KIF11: variants seen among roughly 807,000 people sequenced by gnomAD.
The protein encoded by KIF11 is kinesin family member 11, also known as kinesin-like protein KIF11.
Under a neutral mutation model 121.0 loss-of-function variants are expected in KIF11, and 9 were observed. The ratio of observed to expected loss-of-function variants is 0.07; its 90% CI spans 0.04 to 0.13. The LOEUF (loss-of-function observed/expected upper bound fraction) is 0.13, where lower values mean the gene tolerates loss of function less well. Among genes scored for constraint, KIF11 ranks in the 10% least tolerant of loss-of-function variants. The probability of loss-of-function intolerance (pLI) is 1.00; values close to 1 mark genes in which losing one functional copy is unlikely to be tolerated. For synonymous variants in KIF11, 408 were observed against 421.0 expected (o/e 0.97, Z 0.38); for missense variants, 846 against 1,217.5 (o/e 0.69, Z 4.54).
At chr10:92,638,740 T>C (rs1844834536) in intron 16 of KIF11, among the ~76,000 whole-genome samples, 1 of 152,220 alleles carries the variant, frequency 6.6e-6, no homozygotes, top group African/African-American at 2.4e-5. Flanking sequence ...TAGATAAATA[T>C]AATACCTGCA....
intron 16 of KIF11, among the ~76,000 whole-genome samples, chr10:92,639,231 G>C (rs981986446): frequency 4.6e-5 from 7 of 152,050 alleles, no homozygotes; most frequent in African/African-American, 1.7e-4. Context: ...TTAGTTTTGA[G>C]GTACACTGAA....
chr10:92,644,553 A>G (rs1844899507), intron 17 of KIF11, among the ~76,000 whole-genome samples: 1 of 152,200 alleles, frequency 6.6e-6, no homozygotes, highest in Non-Finnish European at 1.5e-5. Context: ...TCCTGACCTC[A>G]GGTGATCCAC....
chr10:92,612,916 C>G, intron 6 of KIF11, 124 bp from the exon 7 acceptor site: 5 of 592,214 alleles, frequency 8.4e-6, no homozygotes. Context: ...CTTGATATCT[C>G]CTGTCTGATG....
Position 92,635,065 on chromosome 10 carries a change from G to C in KIF11, c.1875+1270G>C, listed in dbSNP as rs1206796003. On this transcript the variant is annotated intron_variant, in intron 14 of 21. Transcript: ENST00000260731. The stretch of plus-strand genomic sequence containing the variant: ...TATATATAGTCTTTATTTTATAATT[G>C]TATGGTTGGTCTAGGAAGTTCTTAG... Among the ~76,000 whole-genome samples, 14 of 152,000 alleles carry C rather than the reference G, an allele frequency of 9.2e-5. 1 individual carries two copies. Among genetic ancestry groups the C allele is most frequent in the Admixed American group, 9.2e-4 (14 of 15,250 alleles).
intron 4 of KIF11, among the ~76,000 whole-genome samples, chr10:92,608,664 C>T (rs1269341663): frequency 6.6e-6 from 1 of 152,152 alleles, no homozygotes. Context: ...GTCTTGATCT[C>T]CTGACCTTGT....
At chr10:92,627,170 TCTAG>T (rs1235710912) in intron 10 of KIF11, among the ~76,000 whole-genome samples, 3 of 152,236 alleles carry the variant, frequency 2.0e-5, no homozygotes, top group African/African-American at 7.2e-5. Context: ...CAACAATATC[TCTAG>T]CTAATACGTT....
chr10:92,651,507 GTTTTT>G lies in KIF11; in HGVS notation c.3039+1027_3039+1031del, dbSNP rs1175303233. ...TGTGCCACCATGCCTGGCTAATTTT[GTTTTT>G]TTTTTTTTTTTTTTTTTTTTTTTTT... On this transcript the variant is annotated intron_variant, in intron 21 of 21. Transcript: ENST00000260731. Among the ~76,000 whole-genome samples, 87 of 52,964 alleles carry G rather than the reference GTTTTT, an allele frequency of 1.6e-3. 8 individuals are homozygous for G. Among genetic ancestry groups the G allele is most frequent in the African/African-American group, 3.8e-3 (73 of 19,294 alleles). 34.7% of individuals were successfully genotyped at this position (52,964 alleles called of 152,430 possible).
intron 1 of KIF11, among the ~76,000 whole-genome samples, chr10:92,600,795 C>T (rs942480816): frequency 7.2e-5 from 11 of 152,288 alleles, no homozygotes; most frequent in South Asian, 2.1e-4. Flanking sequence ...CCACCACGCC[C>T]GGCCAGATTT....
chr10:92,610,185 T>C (rs1844480860), intron 6 of KIF11, among the ~76,000 whole-genome samples: 1 of 152,182 alleles, frequency 6.6e-6, no homozygotes, highest in East Asian at 1.9e-4. Flanking sequence ...TGAGGCACTT[T>C]TGTGGAGCCC....
At chr10:92,597,637 G>GGTTT (rs199828144) in intron 1 of KIF11, among the ~76,000 whole-genome samples, 9,093 of 150,964 alleles carry the variant, frequency 0.06, 477 homozygotes, top group African/African-American at 0.14. Flanking sequence ...TTTTCCCTTG[G>GGTTT]GTTTGTTTGT....
intron 18 of KIF11, 90 bp downstream of exon 18, chr10:92,645,732 G>GAT (rs1170328718): frequency 2.0e-6 from 2 of 1,014,624 alleles, no homozygotes; most frequent in Non-Finnish European, 2.9e-6. Flanking sequence ...CAAAACAAAT[G>GAT]ATATTTTAAG....
chr10:92,639,110 C>A (rs1484959500), intron 16 of KIF11, among the ~76,000 whole-genome samples: 1 of 152,024 alleles, frequency 6.6e-6, no homozygotes, highest in Non-Finnish European at 1.5e-5. Flanking sequence ...TTGCTTGACC[C>A]GTTAGTATAT....
At chr10:92,602,010 A>T (rs539768616) in intron 1 of KIF11, among the ~76,000 whole-genome samples, 1 of 152,256 alleles carries the variant, frequency 6.6e-6, no homozygotes, top group South Asian at 2.1e-4. Flanking sequence ...CTTTTCCTGC[A>T]TCGATTGACA....
chr10:92,601,075 G>A (rs1295103003), intron 1 of KIF11, among the ~76,000 whole-genome samples: 1 of 152,188 alleles, frequency 6.6e-6, no homozygotes, highest in East Asian at 1.9e-4. Flanking sequence ...GGCTAGGCTG[G>A]TCTTGAACTC....
chr10:92,638,801 C>G (rs564239904), intron 16 of KIF11, among the ~76,000 whole-genome samples: 1 of 152,188 alleles, frequency 6.6e-6, no homozygotes, highest in East Asian at 1.9e-4. Flanking sequence ...AGTAAAAATA[C>G]TGACAGACTT....
intron 1 of KIF11, among the ~76,000 whole-genome samples, chr10:92,601,476 T>G (rs1844370898): frequency 6.6e-6 from 1 of 152,170 alleles, no homozygotes; most frequent in Admixed American, 6.6e-5. Flanking sequence ...TCCAAAGTGC[T>G]GGGATTACAG....
At position 92,645,649 on chromosome 10, in the gene KIF11, A is replaced by G. The variant is rs775578782; in HGVS notation, c.2547+7A>G. 16 of 1,557,066 alleles carry G rather than the reference A, an allele frequency of 1.0e-5. No individual in the cohort carries two copies. The South Asian group carries it at 1.8e-4, about 18-fold the overall frequency. On this transcript the variant is annotated splice_region_variant and intron_variant, in intron 18 of 21. Coordinates refer to ENST00000260731, the MANE Select transcript of KIF11 (RefSeq NM_004523.4). ...ACTTCACAACTTATTGGAGGTAATA[A>G]CTTTGTAAGTGGAACTTACTTTGGG...
intron 2 of KIF11, 29 bp from the exon 3 acceptor site, chr10:92,606,590 A>ATTT (rs11393423): frequency 5.7e-5 from 64 of 1,117,692 alleles, no homozygotes; most frequent in African/African-American, 2.8e-4. Context: ...TTTGAGGTTG[A>ATTT]TTTTTTTTTT....
In KIF11 at chr10:92,593,367, G is replaced by T; in HGVS notation, c.-9G>T. 3 of 1,605,074 alleles carry T rather than the reference G, an allele frequency of 1.9e-6. No individual in the cohort carries two copies. The highest frequency in any genetic ancestry group is 2.2e-5 in the East Asian group (1 of 44,654). On this transcript the variant is annotated 5_prime_UTR_variant, in exon 1 of 22. Coordinates refer to ENST00000260731, the MANE Select transcript of KIF11 (RefSeq NM_004523.4). ...GCGGCCGGGCCTTGATTTTTTGGCG[G>T]GGACCGTCATGGCGTCGCAGCCAAA... is the stretch of plus-strand genomic sequence containing the variant.
Sources: gnomAD v4.1 joint callset for allele counts (sites outside exome capture counted in the v4.1 genomes callset) on GRCh38, gnomAD v4.1.1 for gene constraint, MANE v1.5 for transcripts, NCBI Gene and HGNC (gene_info 2026-07-23, HGNC 2026-07-21) for gene names.